The following DMD variants were observed in gnomAD, a reference collection of about 807,000 sequenced individuals.
DMD encodes the protein dystrophin, also known as mutant dystrophin.
DMD carries 63 observed loss-of-function variants against 330.1 expected under a neutral mutation model. The ratio of observed to expected loss-of-function variants is 0.19; its 90% CI spans 0.16 to 0.24. The LOEUF is 0.24. Ranked by LOEUF, DMD falls within the 10% of genes least tolerant of loss-of-function variation. The probability of loss-of-function intolerance (pLI) is 1.00; values close to 1 mark genes in which losing one functional copy is unlikely to be tolerated. For missense variants in DMD, 3,344 were observed against 2,684.1 expected (o/e 1.25, Z -5.43); for synonymous variants, 1,223 against 959.8 (o/e 1.27, Z -5.07).
intron 44 of DMD, among the ~76,000 whole-genome samples, chrX:32,148,236 T>G (rs903861269): frequency 9.9e-5 from 11 of 111,305 alleles, no homozygotes; most frequent in Admixed American, 3.8e-4. Flanking sequence ...AATAGTGCCA[T>G]CTACCTTACT....
chrX:32,858,527 A>G (rs1010640804), intron 2 of DMD, among the ~76,000 whole-genome samples: 2 of 110,931 alleles, frequency 1.8e-5, no homozygotes, highest in Non-Finnish European at 3.8e-5. Context: ...ACGGGGTTTC[A>G]CTATGTTGGT....
At chrX:31,438,369 A>G (rs1756379405) in intron 60 of DMD, among the ~76,000 whole-genome samples, 1 of 111,886 alleles carries the variant, frequency 8.9e-6, no homozygotes, top group South Asian at 3.7e-4. Flanking sequence ...GCCTCACTTG[A>G]AAGTTTGTTA....
chrX:32,314,558 A>G (rs1478913101), intron 41 of DMD, among the ~76,000 whole-genome samples: 1 of 111,641 alleles, frequency 9.0e-6, no homozygotes, highest in African/African-American at 3.3e-5. Flanking sequence ...GGATCTAATT[A>G]AACTGAAGAG....
intron 7 of DMD, among the ~76,000 whole-genome samples, chrX:32,747,209 T>G (rs2148243559): frequency 8.9e-6 from 1 of 112,535 alleles, no homozygotes; most frequent in African/African-American, 3.2e-5. Context: ...GCGCAACAAT[T>G]TTCAAATGGA....
chrX:32,586,432 T>C lies in DMD; in HGVS notation c.1602+9325A>G, dbSNP rs1039827117. On this transcript the variant is annotated intron_variant, in intron 13 of 78. Transcript: ENST00000357033. ...TACTAATGCAATTGAGTGGGACAGGTGCTAAAATAAATAAATATATATGTT... is the reference window on the plus strand; with the variant it reads ...TACTAATGCAATTGAGTGGGACAGGCGCTAAAATAAATAAATATATATGTT... Among the ~76,000 whole-genome samples the C allele has an allele frequency of 5.5e-5, 6 of 108,266 alleles. No individual in the cohort carries two copies. The Admixed American group carries it at 6.0e-4, about 11-fold the overall frequency. The allele number at this position is 108,266 out of a possible 115,157, so 94.0% of individuals were successfully genotyped here.
intron 4 of DMD, among the ~76,000 whole-genome samples, chrX:32,830,652 C>T (rs1010975258): frequency 8.9e-6 from 1 of 111,733 alleles, no homozygotes; most frequent in African/African-American, 3.2e-5. Context: ...TGAGTTTTTG[C>T]AGAAATAAGT....
intron 1 of DMD, among the ~76,000 whole-genome samples, chrX:33,028,339 G>A (rs2094040486): frequency 8.9e-6 from 1 of 111,981 alleles, no homozygotes; most frequent in African/African-American, 3.2e-5. Flanking sequence ...AGAAACTACA[G>A]TTCTGTTACA....
chrX:32,741,251 T>A (rs1458212611), intron 7 of DMD, among the ~76,000 whole-genome samples: 1 of 111,477 alleles, frequency 9.0e-6, no homozygotes, highest in Non-Finnish European at 1.9e-5. Flanking sequence ...GAATCATGAC[T>A]CTTTGAGAGG....
intron 63 of DMD, among the ~76,000 whole-genome samples, chrX:31,248,521 A>G (rs1472157350): frequency 8.9e-6 from 1 of 111,920 alleles, no homozygotes; most frequent in Non-Finnish European, 1.9e-5. Flanking sequence ...TCAAACTCCT[A>G]TGAAAGCTTT....
At chrX:32,709,331 G>A (rs1461631233) in intron 7 of DMD, among the ~76,000 whole-genome samples, 1 of 112,062 alleles carries the variant, frequency 8.9e-6, no homozygotes, top group Non-Finnish European at 1.9e-5. Flanking sequence ...ATATGATGAT[G>A]ATAAGGGATA....
At chrX:32,886,046 A>G (rs1472730272) in intron 2 of DMD, among the ~76,000 whole-genome samples, 1 of 111,346 alleles carries the variant, frequency 9.0e-6, no homozygotes, top group Non-Finnish European at 1.9e-5. Context: ...TGACTGTATA[A>G]CAACATATGT....
intron 48 of DMD, among the ~76,000 whole-genome samples, chrX:31,843,812 T>C (rs377105013): frequency 1.4e-5 from 1 of 72,225 alleles, no homozygotes; most frequent in Non-Finnish European, 2.5e-5. Flanking sequence ...TAGTATTTCC[T>C]AGGTTTTCTT....
intron 62 of DMD, among the ~76,000 whole-genome samples, chrX:31,287,986 C>G (rs769578580): frequency 9.0e-6 from 1 of 111,441 alleles, no homozygotes; most frequent in African/African-American, 3.3e-5. Context: ...AGGCTGTCCT[C>G]AAAATGATAA....
At chrX:33,118,696 C>T (rs2095405762) in intron 1 of DMD, among the ~76,000 whole-genome samples, 1 of 111,912 alleles carries the variant, frequency 8.9e-6, no homozygotes, top group African/African-American at 3.2e-5. Flanking sequence ...ATGTGATAAC[C>T]TGATATGCTC....
At chrX:31,654,570 C>T (rs185138918) in intron 54 of DMD, among the ~76,000 whole-genome samples, 173 of 111,734 alleles carry the variant, frequency 1.5e-3, no homozygotes, top group Middle Eastern at 9.2e-3. Flanking sequence ...TGGAATACTA[C>T]GTAGCCATAA....
intron 44 of DMD, among the ~76,000 whole-genome samples, chrX:32,005,205 G>C (rs984029333): frequency 2.7e-5 from 3 of 111,150 alleles, no homozygotes; most frequent in African/African-American, 6.5e-5. Flanking sequence ...TTCCAACATG[G>C]CTCCCAGTGT....
At position 32,356,968 on chromosome X, in the gene DMD, C is replaced by G. The variant is rs888646891; in HGVS notation, c.5325+5820G>C. Among the ~76,000 whole-genome samples the G allele has an allele frequency of 2.7e-5, 3 of 111,419 alleles. No homozygotes were observed. In the Admixed American group the frequency reaches 2.9e-4, roughly 11 times the overall value. ...GCAGTGGTGCGATCTCGGCTCACTG[C>G]AACCTCCGCCTCCCGGGTTCAAACA... On this transcript the variant is annotated intron_variant, in intron 37 of 78. Transcript: ENST00000357033.
At chrX:31,897,367 G>T (rs1488294939) in intron 47 of DMD, among the ~76,000 whole-genome samples, 1 of 107,929 alleles carries the variant, frequency 9.3e-6, no homozygotes, top group Admixed American at 1.0e-4. Context: ...ATTGTGAATA[G>T]CGCCGCAATA....
At chrX:33,037,056 G>T (rs929536074) in intron 1 of DMD, among the ~76,000 whole-genome samples, 1 of 111,187 alleles carries the variant, frequency 9.0e-6, no homozygotes, top group Non-Finnish European at 1.9e-5. Flanking sequence ...ATTTTCTGAG[G>T]TGTACTGCAA....
Sources: allele counts gnomAD v4.1 joint callset (sites outside exome capture counted in the v4.1 genomes callset), GRCh38; gene constraint gnomAD v4.1.1; transcripts MANE v1.5; gene names NCBI Gene and HGNC (gene_info 2026-07-23, HGNC 2026-07-21).